The following RALGAPA2 variants were observed in gnomAD, a reference collection of about 807,000 sequenced individuals.
RALGAPA2 encodes the protein Ral GTPase activating protein catalytic subunit alpha 2.
RALGAPA2 carries 139 observed loss-of-function variants against 230.4 expected under a neutral mutation model. The ratio of observed to expected loss-of-function variants is 0.60; its 90% CI spans 0.53 to 0.69. The LOEUF is 0.69. Ranked by LOEUF, RALGAPA2 falls within the 30% of genes least tolerant of loss-of-function variation. The pLI is 0.00. For missense variants in RALGAPA2, 2,163 were observed against 2,276.0 expected (o/e 0.95, Z 1.01); for synonymous variants, 847 against 837.8 (o/e 1.01, Z -0.19).
intron 16 of RALGAPA2, among the ~76,000 whole-genome samples, chr20:20,599,899 G>A (rs1423850432): frequency 2.0e-5 from 3 of 151,880 alleles, no homozygotes; most frequent in Admixed American, 6.6e-5. Context: ...CTTGAACCTG[G>A]GAGGTAGAGG....
chr20:20,641,739 G>T (rs2067037055), intron 5 of RALGAPA2, among the ~76,000 whole-genome samples: 1 of 151,596 alleles, frequency 6.6e-6, no homozygotes, highest in African/African-American at 2.4e-5. Flanking sequence ...CCAAATGCCA[G>T]CAACTGGAGT....
intron 23 of RALGAPA2, among the ~76,000 whole-genome samples, chr20:20,556,491 G>A (rs2064086373): frequency 6.6e-6 from 1 of 152,144 alleles, no homozygotes; most frequent in Admixed American, 6.5e-5. Flanking sequence ...TGAAGATGCC[G>A]TGGCCTGACT....
At position 20,526,020 on chromosome 20, in the gene RALGAPA2, C is replaced by T. The variant is rs528398785; in HGVS notation, c.3693+232G>A. On this transcript the variant is annotated intron_variant, in intron 28 of 39. Coordinates refer to ENST00000202677, the MANE Select transcript of RALGAPA2 (RefSeq NM_020343.4). The stretch of plus-strand genomic sequence containing the variant: ...GGTCTCTTTGTTGTGGTCGTGCCTG[C>T]CTTTCAAACTCCCCAAGTATAAGCC... Among the ~76,000 whole-genome samples, 40 of 152,228 alleles carry T rather than the reference C, an allele frequency of 2.6e-4. No individual in the cohort carries two copies. The South Asian group carries it at 8.3e-3, about 32-fold the overall frequency.
intron 1 of RALGAPA2, among the ~76,000 whole-genome samples, chr20:20,687,306 C>G (rs2068740206): frequency 6.6e-6 from 1 of 152,196 alleles, no homozygotes; most frequent in African/African-American, 2.4e-5. Context: ...TGCACCATTA[C>G]TTACTTATAG....
At position 20,524,894 on chromosome 20, in the gene RALGAPA2, AG is replaced by A; in HGVS notation, c.3697del (p.Leu1233SerfsTer40). 1 of 1,605,430 alleles carries A rather than the reference AG, an allele frequency of 6.2e-7. No individual in the cohort carries two copies. The highest frequency in any genetic ancestry group is 1.1e-5 in the South Asian group (1 of 88,970). On this transcript the variant is annotated frameshift_variant, in exon 29 of 40. Transcript: ENST00000202677. LOFTEE classifies it high-confidence loss of function. ...TAAAAGAAAAGCAACTGTGGCCACG[AG>A]GATCTGCATAAAAGATAAATCCCCA... ...TSLPRKMAEI[L>X]VATVAFLLPS...
chr20:20,411,004 G>A (rs1298849839), intron 38 of RALGAPA2, among the ~76,000 whole-genome samples: 1 of 152,172 alleles, frequency 6.6e-6, no homozygotes, highest in African/African-American at 2.4e-5. Context: ...AAACAATGAT[G>A]CATGGCTGAT....
intron 1 of RALGAPA2, among the ~76,000 whole-genome samples, chr20:20,687,090 C>T (rs574926318): frequency 6.6e-6 from 1 of 152,138 alleles, no homozygotes; most frequent in Non-Finnish European, 1.5e-5. Context: ...AGTGAAATTC[C>T]CTGGATAATG....
chr20:20,535,944 G>A, intron 25 of RALGAPA2, 141 bp from the exon 26 acceptor site: 1 of 1,340,428 alleles, frequency 7.5e-7, no homozygotes, highest in Non-Finnish European at 9.7e-7. Flanking sequence ...GAGAGCCTGG[G>A]GGGAAGAAGA....
chr20:20,521,914 G>C (rs569747598), intron 30 of RALGAPA2, among the ~76,000 whole-genome samples: 2 of 152,342 alleles, frequency 1.3e-5, no homozygotes, highest in South Asian at 2.1e-4. Context: ...AAGAGGCCTT[G>C]TGGTCAGGTA....
chr20:20,560,072 G>C (rs971728732), intron 23 of RALGAPA2, among the ~76,000 whole-genome samples: 2 of 152,138 alleles, frequency 1.3e-5, no homozygotes, highest in African/African-American at 4.8e-5. Flanking sequence ...CTGCCTTCCA[G>C]CAATGACCTG....
intron 36 of RALGAPA2, among the ~76,000 whole-genome samples, chr20:20,474,727 C>CT (rs1310822636): frequency 6.6e-6 from 1 of 152,140 alleles, no homozygotes; most frequent in Non-Finnish European, 1.5e-5. Context: ...ATGGAGAAGA[C>CT]TGAGAGGGAG....
chr20:20,679,614 G>GAA (rs11483171), intron 2 of RALGAPA2, among the ~76,000 whole-genome samples: 15 of 149,378 alleles, frequency 1.0e-4, no homozygotes, highest in Non-Finnish European at 1.5e-4. Flanking sequence ...TTTGCTGCAA[G>GAA]AAAAAAAAAA....
chr20:20,394,576 T>C (rs2059667129), intron 39 of RALGAPA2, among the ~76,000 whole-genome samples: 1 of 151,896 alleles, frequency 6.6e-6, no homozygotes, highest in Non-Finnish European at 1.5e-5. Flanking sequence ...AGGTCAAGGC[T>C]GCAGTGATGG....
intron 31 of RALGAPA2, among the ~76,000 whole-genome samples, chr20:20,518,004 GTTGA>G (rs1390201432): frequency 6.6e-6 from 1 of 152,046 alleles, no homozygotes; most frequent in Non-Finnish European, 1.5e-5. Context: ...CATTCAGAAG[GTTGA>G]TTATTAAGCT....
chr20:20,655,829 G>C (rs2146630379), intron 3 of RALGAPA2, among the ~76,000 whole-genome samples: 1 of 152,328 alleles, frequency 6.6e-6, no homozygotes, highest in South Asian at 2.1e-4. Flanking sequence ...AGATAAAATT[G>C]TCAGGATAAG....
chr20:20,446,835 C>T (rs887980642), intron 37 of RALGAPA2, among the ~76,000 whole-genome samples: 12 of 152,078 alleles, frequency 7.9e-5, no homozygotes, highest in African/African-American at 9.7e-5. Context: ...GACAAGTCAC[C>T]GAGCCTCTTT....
At chr20:20,396,261 C>A (rs1231840390) in intron 39 of RALGAPA2, among the ~76,000 whole-genome samples, 1 of 152,272 alleles carries the variant, frequency 6.6e-6, no homozygotes, top group Non-Finnish European at 1.5e-5. Flanking sequence ...GCCCTCCCCG[C>A]ATGGAGGTCT....
intron 35 of RALGAPA2, among the ~76,000 whole-genome samples, chr20:20,503,078 C>T (rs2062424887): frequency 6.6e-6 from 1 of 152,180 alleles, no homozygotes; most frequent in African/African-American, 2.4e-5. Flanking sequence ...GCCTGCTTTC[C>T]CAGAGCCCCA....
At chr20:20,653,432 T>C (rs1603205599) in intron 4 of RALGAPA2, 98 bp downstream of exon 4, 1 of 729,230 alleles carries the variant, frequency 1.4e-6, no homozygotes. Flanking sequence ...TAATATTCCT[T>C]TCTATAAGCT....
Sources: gnomAD v4.1 joint callset for allele counts (sites outside exome capture counted in the v4.1 genomes callset) on GRCh38, gnomAD v4.1.1 for gene constraint, MANE v1.5 for transcripts, NCBI Gene and HGNC (gene_info 2026-07-23, HGNC 2026-07-21) for gene names.